Variants in RPRD2 observed in about 807,000 individuals in gnomAD.
The protein encoded by RPRD2 is regulation of nuclear pre-mRNA domain-containing protein 2.
Under a neutral mutation model 104.4 loss-of-function variants are expected in RPRD2, and 12 were observed. The ratio of observed to expected loss-of-function variants is 0.11; its 90% CI spans 0.07 to 0.19. The LOEUF (loss-of-function observed/expected upper bound fraction) is 0.19, where lower values mean the gene tolerates loss of function less well. Among genes scored for constraint, RPRD2 ranks in the 10% least tolerant of loss-of-function variants. RPRD2 has a pLI of 1.00. For synonymous variants in RPRD2, 714 were observed against 684.9 expected, an observed-to-expected ratio of 1.04 and a Z score of -0.66; for missense variants, 1,543 against 1,790.1, an observed-to-expected ratio of 0.86 and a Z score of 2.49.
At chr1:150,459,906 A>G (rs1667808130) in intron 8 of RPRD2, among the ~76,000 whole-genome samples, 154 bp from the exon 9 acceptor site, 1 of 152,224 alleles carries the variant, frequency 6.6e-6, no homozygotes, top group Non-Finnish European at 1.5e-5. Flanking sequence ...TATGAAGAGT[A>G]TGACTTTTTC....
At chr1:150,441,300 C>T (rs1440095909) in intron 3 of RPRD2, 10 of 318,208 alleles carry the variant, frequency 3.1e-5, no homozygotes, top group African/African-American at 6.6e-5. Flanking sequence ...CCTGCATTTG[C>T]GTTGAGTGTT....
At chr1:150,401,852 C>T (rs587666765) in intron 1 of RPRD2, among the ~76,000 whole-genome samples, 5 of 151,926 alleles carry the variant, frequency 3.3e-5, no homozygotes, top group Admixed American at 2.6e-4. Context: ...ACTGTATTAG[C>T]CAGGAAGGTC....
At chr1:150,467,290 G>A (rs1668340770) in intron 10 of RPRD2, among the ~76,000 whole-genome samples, 1 of 152,156 alleles carries the variant, frequency 6.6e-6, no homozygotes, top group African/African-American at 2.4e-5. Flanking sequence ...AAGAATTGAT[G>A]ATGACTGCAG....
intron 7 of RPRD2, among the ~76,000 whole-genome samples, chr1:150,453,640 C>T (rs1490249021): frequency 6.6e-6 from 1 of 152,148 alleles, no homozygotes; most frequent in Non-Finnish European, 1.5e-5. Flanking sequence ...ATTGGCTTCA[C>T]CTGTTACGGG....
At position 150,364,198 on chromosome 1, in the gene RPRD2, G is replaced by A. The variant is rs1285632108; in HGVS notation, c.-517G>A. On this transcript the variant is annotated 5_prime_UTR_variant, in exon 1 of 11. Coordinates refer to ENST00000369068, the MANE Select transcript of RPRD2 (RefSeq NM_015203.5). ...GCGTTGCAAAAAAAATCCTGACTAG[G>A]TAGCCTTGGACCTTTTCTGTGCTAG... 1.3e-5 allele frequency among the ~76,000 whole-genome samples: 2 copies of A among 152,192 alleles called. No homozygotes were observed. The highest frequency in any genetic ancestry group is 2.4e-5 in the African/African-American group (1 of 41,464).
chr1:150,380,942 A>T (rs1193801557), intron 1 of RPRD2, among the ~76,000 whole-genome samples: 5 of 152,198 alleles, frequency 3.3e-5, no homozygotes, highest in Admixed American at 6.5e-5. Context: ...GGCGTGAAGC[A>T]CGCCTGGCCT....
chr1:150,389,187 C>T (rs587770764), intron 1 of RPRD2, among the ~76,000 whole-genome samples: 3 of 152,178 alleles, frequency 2.0e-5, no homozygotes, highest in Admixed American at 6.5e-5. Flanking sequence ...TAGGTGTGCA[C>T]CACAGGTATG....
At chr1:150,384,765 C>T (rs1661438740) in intron 1 of RPRD2, among the ~76,000 whole-genome samples, 2 of 151,610 alleles carry the variant, frequency 1.3e-5, no homozygotes. Flanking sequence ...CCTCGGCCTC[C>T]CAAAGTGGTG....
intron 3 of RPRD2, 154 bp downstream of exon 3, chr1:150,441,177 T>G: frequency 2.0e-6 from 1 of 494,120 alleles, no homozygotes; most frequent in Admixed American, 3.9e-5. Context: ...AAAATCTAGA[T>G]CTGTTTGAAT....
At chr1:150,379,511 A>T (rs972605454) in intron 1 of RPRD2, among the ~76,000 whole-genome samples, 26 of 151,550 alleles carry the variant, frequency 1.7e-4, no homozygotes, top group Admixed American at 1.2e-3. Flanking sequence ...CAAGCGATTC[A>T]CCTGCCTCAG....
intron 2 of RPRD2, among the ~76,000 whole-genome samples, chr1:150,433,904 G>A (rs1553892582): frequency 9.3e-6 from 1 of 107,830 alleles, no homozygotes; most frequent in Non-Finnish European, 2.1e-5. Context: ...ATGTACATAT[G>A]TATGTATATA....
At chr1:150,441,598 G>T in intron 3 of RPRD2, 1 of 291,224 alleles carries the variant, frequency 3.4e-6, no homozygotes. Context: ...CTTCTAAGAA[G>T]CTGTTAAATT....
Position 150,470,998 on chromosome 1 carries a change from G to A in RPRD2, c.2050G>A (p.Gly684Ser). ...NFLKGNPGFS[G>S]LNLNIPILSS... Reference sequence around the variant, plus strand: ...CTTAAAAGGTAATCCTGGTTTCAGTGGCTTAAACTTAAACATCCCAATCCT... The same window carrying A: ...CTTAAAAGGTAATCCTGGTTTCAGTAGCTTAAACTTAAACATCCCAATCCT... The change falls in exon 11 of 11, where the codon GGC (glycine) becomes AGC (serine). Residue 684 changes from glycine (G) to serine (S), a missense_variant. This residue lies in a region of RPRD2 where 572 missense variants were observed against 787.3 expected (regional missense o/e 0.73). Coordinates refer to ENST00000369068, the MANE Select transcript of RPRD2 (RefSeq NM_015203.5). 6.2e-7 allele frequency: 1 copy of A among 1,613,986 alleles called. No individual in the cohort carries two copies. Among genetic ancestry groups the A allele is most frequent in the Non-Finnish European group, 8.5e-7 (1 of 1,179,894 alleles).
intron 7 of RPRD2, among the ~76,000 whole-genome samples, chr1:150,448,615 A>G (rs11205377): frequency 0.082 from 12,463 of 152,248 alleles, 672 homozygotes; most frequent in Non-Finnish European, 0.12. Context: ...GTTCATTGCA[A>G]GGTTTTGTGG....
At chr1:150,433,071 C>G (rs1553892248) in intron 2 of RPRD2, among the ~76,000 whole-genome samples, 1 of 152,024 alleles carries the variant, frequency 6.6e-6, no homozygotes, top group East Asian at 1.9e-4. Context: ...ATTATATACT[C>G]TGATGTCATT....
rs750532298 is a variant in RPRD2, at chr1:150,471,187, G to A, written c.2239G>A (p.Val747Ile). 7 of 1,613,778 alleles carry A rather than the reference G, an allele frequency of 4.3e-6. No individual in the cohort carries two copies. The highest frequency in any genetic ancestry group is 1.7e-5 in the Admixed American group (1 of 59,984). Residue 747 changes from valine to isoleucine, a missense_variant, in exon 11 of 11, where the codon GTA becomes ATA. Transcript: ENST00000369068. This position sits in a 1 kb window ranked among gnomAD's most constrained non-coding sequence, Gnocchi z 5.3. ...EMMDKPTSSSVDTMSLLSKII... is the reference protein window; with the variant it reads ...EMMDKPTSSSIDTMSLLSKII... ...GATGGACAAGCCCACATCCAGCAGT[G>A]TAGATACTATGTCCCTGCTTTCTAA...
chr1:150,471,317 G>A lies in RPRD2; in HGVS notation c.2369G>A (p.Arg790Gln), dbSNP rs587666172. ...RELSNSVSTY[R>Q]PFGLGSESPY... is the part of the protein sequence containing the mutation. ...CTCTCCAATTCTGTATCTACATATC[G>A]ACCCTTTGGTCTGGGCAGTGAATCT... Residue 790 changes from arginine (R) to glutamine (Q), a missense_variant, in exon 11 of 11, where the codon CGA (arginine) becomes CAA (glutamine). Physicochemically the swap from Arg to Gln is conservative, Grantham distance 43 (BLOSUM62 1). This residue lies in a region of RPRD2 where 880 missense variants were observed against 885.6 expected (regional missense o/e 0.99). Coordinates refer to ENST00000369068, the MANE Select transcript of RPRD2 (RefSeq NM_015203.5). The surrounding 1 kb of genome is among the most constrained non-coding windows in gnomAD (Gnocchi z 5.3). 17 of 1,612,688 alleles carry A rather than the reference G, an allele frequency of 1.1e-5. No homozygotes were observed. The South Asian group carries it at 1.1e-4, about 10-fold the overall frequency.
chr1:150,437,962 C>T (rs994058987), intron 2 of RPRD2, among the ~76,000 whole-genome samples: 34 of 133,678 alleles, frequency 2.5e-4, no homozygotes, highest in African/African-American at 8.5e-4. Context: ...TGCTGAGATT[C>T]TTTCTGTCAT....
intron 1 of RPRD2, among the ~76,000 whole-genome samples, chr1:150,416,352 T>C (rs1407674725): frequency 2.0e-5 from 3 of 151,612 alleles, no homozygotes; most frequent in African/African-American, 7.3e-5. Flanking sequence ...GAAGAACAAG[T>C]ATAATAGGAG....
Sources: allele counts gnomAD v4.1 joint callset (sites outside exome capture counted in the v4.1 genomes callset), GRCh38; gene constraint gnomAD v4.1.1; regional missense constraint gnomAD v4.1.1; non-coding constraint Gnocchi (gnomAD v3.1); transcripts MANE v1.5; gene names NCBI Gene and HGNC (gene_info 2026-07-23, HGNC 2026-07-21).